Variants in MELTF observed in about 807,000 individuals in gnomAD.
The protein encoded by MELTF is antigen p97 (melanoma associated) identified by monoclonal antibodies 133.2 and 96.5.
A neutral mutation model predicts 83.7 loss-of-function variants in MELTF; 67 were observed. The ratio of observed to expected loss-of-function variants is 0.80; its 90% CI spans 0.66 to 0.98. The LOEUF (loss-of-function observed/expected upper bound fraction) is 0.98, where lower values mean the gene tolerates loss of function less well. Among genes scored for constraint, MELTF ranks in the 50% least tolerant of loss-of-function variants. MELTF has a pLI of 0.00. For synonymous variants in MELTF, 462 were observed against 447.6 expected (o/e 1.03, Z -0.41); for missense variants, 1,002 against 1,035.6 (o/e 0.97, Z 0.44).
chr3:197,014,743 A>G (rs556442182), intron 9 of MELTF, among the ~76,000 whole-genome samples: 2 of 152,292 alleles, frequency 1.3e-5, no homozygotes, highest in East Asian at 3.9e-4. Flanking sequence ...GGATGACTAG[A>G]GTTAACAATA....
At chr3:197,015,334 C>T in intron 9 of MELTF, 31 bp downstream of exon 9, 1 of 1,536,912 alleles carries the variant, frequency 6.5e-7, no homozygotes, top group East Asian at 2.5e-5. Flanking sequence ...ACCCGCCCAC[C>T]TGGCCCACGC....
chr3:197,025,195 G>A (rs928637182), intron 3 of MELTF, among the ~76,000 whole-genome samples: 5 of 152,244 alleles, frequency 3.3e-5, no homozygotes, highest in African/African-American at 1.2e-4. Context: ...CCCATCGCAC[G>A]GGCGCACACA....
rs1719030264 is a variant in MELTF at position 197,007,714 on chromosome 3, C to A, written c.1750+943G>T. ...GTTCAGGGCCTGGAGCCCTCCCTAG[C>A]TCTGCTGGGGCAAATGGTCCTACCG... On this transcript the variant is annotated intron_variant, in intron 13 of 15. Transcript: ENST00000296350. This position sits in a 1 kb window ranked among gnomAD's most constrained non-coding sequence, Gnocchi z 4.3. 6.6e-6 allele frequency among the ~76,000 whole-genome samples: 1 copy of A among 152,226 alleles called. No homozygotes were observed. Among genetic ancestry groups the A allele is most frequent in the Admixed American group, 6.5e-5 (1 of 15,290 alleles).
rs571374739 is a variant in MELTF, at chr3:197,016,662, T to C, written c.901-293A>G. 4.6e-5 allele frequency among the ~76,000 whole-genome samples: 7 copies of C among 152,324 alleles called. No homozygotes were observed. The South Asian group carries it at 1.5e-3, about 32-fold the overall frequency. The stretch of plus-strand genomic sequence containing the variant: ...TCCTGAGGACACGCCGTGGGGCTGG[T>C]GGTAGCAGCCTGGATAGGGCAAAAC... On this transcript the variant is annotated intron_variant, in intron 7 of 15. Transcript: ENST00000296350.
Position 197,002,348 on chromosome 3 carries a change from G to A in MELTF, c.*1024C>T, listed in dbSNP as rs1328556360. On this transcript the variant is annotated 3_prime_UTR_variant, in exon 16 of 16. Coordinates refer to ENST00000296350, the MANE Select transcript of MELTF (RefSeq NM_005929.6). The stretch of plus-strand genomic sequence containing the variant: ...TTTTTTTTAAGGGCTGCCAGTTCTG[G>A]AAACTTTTTCTGGCTTCTCAGACAA... The A allele has an allele frequency of 2.6e-5, 4 of 152,330 alleles. No individual in the cohort carries two copies. The highest frequency in any genetic ancestry group is 2.9e-5 in the Non-Finnish European group (2 of 68,106). 9.4% of individuals were successfully genotyped at this position (152,330 alleles called of 1,614,324 possible).
At chr3:197,019,731 T>C in intron 6 of MELTF, 1 of 1,612,206 alleles carries the variant, frequency 6.2e-7, no homozygotes. Flanking sequence ...TCCTACGTGC[T>C]TCCTCGTGTG....
intron 6 of MELTF, chr3:197,019,283 G>A (rs916633513): frequency 7.7e-6 from 8 of 1,043,214 alleles, no homozygotes; most frequent in Non-Finnish European, 8.1e-6. Flanking sequence ...CATCATTTAG[G>A]TGCTTCCATC....
rs1719369847 is a variant in MELTF at position 197,016,274 on chromosome 3, A to G, written c.996T>C (p.Leu332=). ...DLLFKDSTSE[L]VPIATQTYEA... ...CATAGGTCTGTGTGGCGATGGGCAC[A>G]AGCTCCGAGGTAGAGTCTTTGAAGA... The change falls in exon 8 of 16, where the codon CTT becomes CTC. Residue 332 remains leucine (L), a synonymous_variant. Transcript: ENST00000296350. 1 of 1,613,106 alleles carries G rather than the reference A, an allele frequency of 6.2e-7. No homozygotes were observed. The highest frequency in any genetic ancestry group is 8.5e-7 in the Non-Finnish European group (1 of 1,179,510).
At chr3:197,016,967 G>T in intron 7 of MELTF, 136 bp downstream of exon 7, 3 of 1,007,596 alleles carry the variant, frequency 3.0e-6, no homozygotes, top group Non-Finnish European at 4.3e-6. Context: ...TCCTCACTCT[G>T]ACCTGGCCCG....
intron 9 of MELTF, among the ~76,000 whole-genome samples, chr3:197,012,206 A>C (rs1326014779): frequency 1.3e-5 from 2 of 152,136 alleles, no homozygotes; most frequent in African/African-American, 4.8e-5. Flanking sequence ...GAGATCCAGA[A>C]GTGTGAAGAC....
chr3:197,015,423 T>C lies in MELTF; in HGVS notation c.1175A>G (p.Lys392Arg), dbSNP rs369403575. 7 of 1,596,336 alleles carry C rather than the reference T, an allele frequency of 4.4e-6. No homozygotes were observed. The highest frequency in any genetic ancestry group is 2.3e-5 in the East Asian group (1 of 43,824). ...GGCTGACACGCACTGGATCTCTGGCTTGAGCCGCTGCCGGCGGAAGGCCAC... is the reference window on the plus strand; with the variant it reads ...GGCTGACACGCACTGGATCTCTGGCCTGAGCCGCTGCCGGCGGAAGGCCAC... ...MAVAFRRQRL[K>R]PEIQCVSAKS... The change falls in exon 9 of 16, where the codon AAG becomes AGG. Residue 392 changes from lysine to arginine, a missense_variant. By Grantham distance (26) the Lys-to-Arg change is conservative. Coordinates refer to ENST00000296350, the MANE Select transcript of MELTF (RefSeq NM_005929.6).
rs1719173782 is a variant in MELTF at position 197,011,142 on chromosome 3, G to C, written c.1234-348C>G. 6.6e-6 allele frequency among the ~76,000 whole-genome samples: 1 copy of C among 152,248 alleles called. No homozygotes were observed. The highest frequency in any genetic ancestry group is 2.4e-5 in the African/African-American group (1 of 41,472). On this transcript the variant is annotated intron_variant, in intron 9 of 15. Transcript: ENST00000296350. The surrounding 1 kb of genome is among the most constrained non-coding windows in gnomAD (Gnocchi z 4.2). ...CCTCCCTGTGCCCTGCCAGCCCCCA[G>C]ACAGCCGGGCACCGCCTCTCCAGCA...
At chr3:197,020,506 C>CAG (rs1400120414) in intron 6 of MELTF, among the ~76,000 whole-genome samples, 1 of 152,034 alleles carries the variant, frequency 6.6e-6, no homozygotes, top group Non-Finnish European at 1.5e-5. Flanking sequence ...CACACACACA[C>CAG]ACAATAAAAT....
rs777432781 is a variant in MELTF, at chr3:197,022,966, C to CCGCTGTAGT, written c.626_634dup (p.Asp209_Ser211dup). The CCGCTGTAGT allele has an allele frequency of 3.1e-6, 5 of 1,609,464 alleles. No homozygotes were observed. The highest frequency in any genetic ancestry group is 2.2e-5 in the East Asian group (1 of 44,586). Reference sequence around the variant, plus strand: ...CCCCCACTCCGCTCACCGGAAGGCCCCGCTGTAGTCGTAGTATCTCTCCAG... The same window carrying CCGCTGTAGT: ...CCCCCACTCCGCTCACCGGAAGGCCCCGCTGTAGTCGCTGTAGTCGTAGTATCTCTCCAG... On this transcript the variant is annotated inframe_insertion, in exon 5 of 16. Transcript: ENST00000296350. The surrounding 1 kb of genome is among the most constrained non-coding windows in gnomAD (Gnocchi z 5.1).
chr3:197,009,084 T>A, intron 11 of MELTF, 119 bp from the exon 12 acceptor site: 2 of 1,181,178 alleles, frequency 1.7e-6, no homozygotes, highest in Non-Finnish European at 1.2e-6. Flanking sequence ...CAAGGCCACC[T>A]GTCTGCTCCG....
Position 197,007,111 on chromosome 3 carries a change from CA to C in MELTF, c.1751-376del, listed in dbSNP as rs1436738986. On this transcript the variant is annotated intron_variant, in intron 13 of 15. Coordinates refer to ENST00000296350, the MANE Select transcript of MELTF (RefSeq NM_005929.6). The surrounding 1 kb of genome is among the most constrained non-coding windows in gnomAD (Gnocchi z 4.3). The stretch of plus-strand genomic sequence containing the variant: ...GGCAGAGAACCCCATCTATGTGTTA[CA>C]TCCTCAAGCCTGAGTGTGGGGTGGC... Among the ~76,000 whole-genome samples, 1 of 152,172 alleles carries C rather than the reference CA, an allele frequency of 6.6e-6. No individual in the cohort carries two copies. Among genetic ancestry groups the C allele is most frequent in the East Asian group, 1.9e-4 (1 of 5,194 alleles).
At chr3:197,004,135 T>C in intron 14 of MELTF, 36 bp from the exon 15 acceptor site, 3 of 1,608,206 alleles carry the variant, frequency 1.9e-6, no homozygotes, top group Non-Finnish European at 2.6e-6. Context: ...TGCTCCTCAC[T>C]GGGCTCAGGC....
rs935737748 is a variant in MELTF at position 197,024,056 on chromosome 3, T to C, written c.487+247A>G. 3.1e-6 allele frequency: 2 copies of C among 640,150 alleles called. No individual in the cohort carries two copies. Among genetic ancestry groups the C allele is most frequent in the East Asian group, 2.9e-5 (1 of 34,680 alleles). 39.7% of individuals were successfully genotyped at this position (640,150 alleles called of 1,614,324 possible). ...GCTGGGCCTGTGCCTGGCTGTGCCATGTGGGACACCACGATGCGTGAGCAA... is the reference window on the plus strand; with the variant it reads ...GCTGGGCCTGTGCCTGGCTGTGCCACGTGGGACACCACGATGCGTGAGCAA... On this transcript the variant is annotated intron_variant, in intron 4 of 15. Transcript: ENST00000296350. This position sits in a 1 kb window ranked among gnomAD's most constrained non-coding sequence, Gnocchi z 5.3.
At position 197,022,468 on chromosome 3, in the gene MELTF, G is replaced by A. The variant is rs962705027; in HGVS notation, c.644+489C>T. ...AAACGTGAGGTAGCTAGAGGGGCCC[G>A]AGAAGCTTCCTTTCCAATCCTGCTG... On this transcript the variant is annotated intron_variant, in intron 5 of 15. Coordinates refer to ENST00000296350, the MANE Select transcript of MELTF (RefSeq NM_005929.6). The surrounding 1 kb of genome is among the most constrained non-coding windows in gnomAD (Gnocchi z 5.1). Among the ~76,000 whole-genome samples, 5 of 152,170 alleles carry A rather than the reference G, an allele frequency of 3.3e-5. 1 individual carries two copies. The South Asian group carries it at 6.2e-4, about 19-fold the overall frequency.
Sources: gnomAD v4.1 joint callset for allele counts (sites outside exome capture counted in the v4.1 genomes callset) on GRCh38, gnomAD v4.1.1 for gene constraint, Gnocchi (gnomAD v3.1) non-coding constraint, MANE v1.5 for transcripts, NCBI Gene and HGNC (gene_info 2026-07-23, HGNC 2026-07-21) for gene names.